The following CDC23 variants were observed in gnomAD, a reference collection of about 807,000 sequenced individuals.
CDC23 encodes cell division cycle 23.
Under a neutral mutation model 81.7 loss-of-function variants are expected in CDC23, and 26 were observed. The observed-to-expected ratio is 0.32, with a 90% CI of 0.23 to 0.44. The LOEUF (loss-of-function observed/expected upper bound fraction) is 0.44, where lower values mean the gene tolerates loss of function less well. CDC23 is among the 20% of genes least tolerant of loss of function. The pLI is 1.00. For synonymous variants in CDC23, 267 were observed against 270.8 expected (o/e 0.99, Z 0.14); for missense variants, 519 against 728.0 (o/e 0.71, Z 3.30).
Position 138,198,194 on chromosome 5 carries a change from C to A in CDC23, c.1012+5G>T. ...CTTAAAAGAAAAAATGTAGTTAATT[C>A]TTACCAATTACACAGCACGTTTCTA... On this transcript the variant is annotated splice_donor_5th_base_variant and intron_variant, in intron 9 of 15. Transcript: ENST00000394886. The A allele has an allele frequency of 6.3e-7, 1 of 1,596,642 alleles. No homozygotes were observed. Among genetic ancestry groups the A allele is most frequent in the South Asian group, 1.1e-5 (1 of 89,824 alleles).
chr5:138,192,763 C>T, intron 9 of CDC23, 106 bp from the exon 10 acceptor site: 1 of 941,960 alleles, frequency 1.1e-6, no homozygotes, highest in Non-Finnish European at 1.6e-6. Flanking sequence ...TAACCCATTC[C>T]CTCTAAAGTC....
Position 138,187,738 on chromosome 5 carries a change from T to A in CDC23, c.*1240A>T, listed in dbSNP as rs1754770832. ...GGACAGAAAAATTAAGAATCAAACA[T>A]CATTCTGGACCATGGGAACCTTGAA... On this transcript the variant is annotated 3_prime_UTR_variant, in exon 16 of 16. Coordinates refer to ENST00000394886, the MANE Select transcript of CDC23 (RefSeq NM_004661.4). The A allele has an allele frequency of 4.0e-6, 1 of 250,152 alleles. No individual in the cohort carries two copies. Among genetic ancestry groups the A allele is most frequent in the South Asian group, 5.1e-5 (1 of 19,718 alleles). The allele number at this position is 250,152 out of a possible 1,614,324, so 15.5% of individuals were successfully genotyped here. A position where few individuals can be genotyped will look rare whatever the true frequency, so the allele number is the denominator to read the frequency against.
chr5:138,202,012 G>T, intron 4 of CDC23, 101 bp downstream of exon 4: 1 of 792,702 alleles, frequency 1.3e-6, no homozygotes, highest in Non-Finnish European at 2.1e-6. Context: ...AATTTGTAAT[G>T]GTTATCCTCA....
intron 6 of CDC23, chr5:138,200,854 A>T: frequency 2.3e-6 from 1 of 441,538 alleles, no homozygotes; most frequent in Non-Finnish European, 4.0e-6. Flanking sequence ...ATAGAACTGA[A>T]ATGTGAAAAC....
intron 2 of CDC23, among the ~76,000 whole-genome samples, chr5:138,210,008 G>A (rs1298337533): frequency 6.6e-6 from 1 of 151,848 alleles, no homozygotes; most frequent in Non-Finnish European, 1.5e-5. Context: ...GAGGTCAGGA[G>A]TTCGAGACCA....
rs747655177 is a variant in CDC23 at position 138,213,240 on chromosome 5, C to G, written c.73G>C (p.Asp25His). 1 of 1,614,030 alleles carries G rather than the reference C, an allele frequency of 6.2e-7. No individual in the cohort carries two copies. Among genetic ancestry groups the G allele is most frequent in the African/African-American group, 1.3e-5 (1 of 74,906 alleles). ...TTAATTTCCCGCAAATCTGAGAAAT[C>G]GCTGTTTATGGACAGGACAGGCGCC... ...AVAPVLSINS[D>H]FSDLREIKKQ... Residue 25 changes from aspartate (D) to histidine (H), a missense_variant, in exon 1 of 16, where the codon GAT becomes CAT. Physicochemically the swap from Asp to His is moderately conservative, Grantham distance 81 (BLOSUM62 -1). Coordinates refer to ENST00000394886, the MANE Select transcript of CDC23 (RefSeq NM_004661.4).
At chr5:138,195,989 A>G (rs1013284361) in intron 9 of CDC23, among the ~76,000 whole-genome samples, 1 of 150,786 alleles carries the variant, frequency 6.6e-6, no homozygotes, top group African/African-American at 2.4e-5. Context: ...AGATTGTCTC[A>G]TTCTCTCAGG....
At chr5:138,210,094 T>C (rs1359755297) in intron 2 of CDC23, among the ~76,000 whole-genome samples, 2 of 150,984 alleles carry the variant, frequency 1.3e-5, no homozygotes, top group Non-Finnish European at 1.5e-5. Context: ...CATGCACCTG[T>C]AATCCCAGCT....
rs781137475 is a variant in CDC23, at chr5:138,213,073, C to T, written c.162-10G>A. 6.2e-7 allele frequency: 1 copy of T among 1,613,950 alleles called. No homozygotes were observed. The highest frequency in any genetic ancestry group is 1.3e-5 in the African/African-American group (1 of 74,898). On this transcript the variant is annotated splice_polypyrimidine_tract_variant and intron_variant, in intron 1 of 15. Coordinates refer to ENST00000394886, the MANE Select transcript of CDC23 (RefSeq NM_004661.4). The stretch of plus-strand genomic sequence containing the variant: ...AGCCAACTCCGCCGACCTGGAACAC[C>T]CACACAAACTAGATCAGCTCGACAA...
intron 11 of CDC23, 157 bp downstream of exon 11, chr5:138,192,112 T>A: frequency 1.0e-6 from 1 of 982,774 alleles, no homozygotes; most frequent in Non-Finnish European, 1.5e-6. Flanking sequence ...TAGTGAAATA[T>A]ACTAAATGAA....
At chr5:138,191,303 G>A (rs1196548396) in intron 13 of CDC23, among the ~76,000 whole-genome samples, 171 bp downstream of exon 13, 2 of 152,058 alleles carry the variant, frequency 1.3e-5, no homozygotes, top group Non-Finnish European at 2.9e-5. Flanking sequence ...GCCAGAAGTG[G>A]CATTCTCTAG....
chr5:138,195,762 T>TA (rs2126582296), intron 9 of CDC23, among the ~76,000 whole-genome samples: 3 of 117,510 alleles, frequency 2.6e-5, no homozygotes, highest in South Asian at 4.6e-4. Flanking sequence ...TATATACATA[T>TA]ATTATATATG....
At position 138,195,731 on chromosome 5, in the gene CDC23, T is replaced by C. The variant is rs796822527; in HGVS notation, c.1012+2468A>G. ...TACATATAATATATATGTATATATA[T>C]ACATATAATATATATGTATATATAT... On this transcript the variant is annotated intron_variant, in intron 9 of 15. Transcript: ENST00000394886. Among the ~76,000 whole-genome samples, 767 of 117,508 alleles carry C rather than the reference T, an allele frequency of 6.5e-3. 17 individuals carry two copies. Among genetic ancestry groups the C allele is most frequent in the Middle Eastern group, 0.059 (15 of 254 alleles). The allele number at this position is 117,508 out of a possible 152,430, so 77.1% of individuals were successfully genotyped here.
intron 13 of CDC23, 108 bp from the exon 14 acceptor site, chr5:138,190,014 A>G: frequency 1.2e-6 from 1 of 826,966 alleles, no homozygotes; most frequent in South Asian, 1.5e-5. Context: ...GGTAAGTATC[A>G]ATTTTGACAT....
At position 138,188,124 on chromosome 5, in the gene CDC23, A is replaced by G. The variant is rs1754777001; in HGVS notation, c.*854T>C. ...ATGTATTCTGTTGCAGATGGGAGGG[A>G]AAAAAATAGACAATTACGTTGAAAA... On this transcript the variant is annotated 3_prime_UTR_variant, in exon 16 of 16. Coordinates refer to ENST00000394886, the MANE Select transcript of CDC23 (RefSeq NM_004661.4). 6.6e-6 allele frequency: 1 copy of G among 152,170 alleles called. No homozygotes were observed. Among genetic ancestry groups the G allele is most frequent in the African/African-American group, 2.4e-5 (1 of 41,432 alleles). The allele number at this position is 152,170 out of a possible 1,614,324, so 9.4% of individuals were successfully genotyped here.
chr5:138,199,311 A>C (rs1031746708), intron 6 of CDC23, among the ~76,000 whole-genome samples: 23 of 152,180 alleles, frequency 1.5e-4, no homozygotes, highest in African/African-American at 5.3e-4. Flanking sequence ...ATAAGTTTGG[A>C]AACAGGCCAG....
At chr5:138,190,506 G>A (rs1044480761) in intron 13 of CDC23, among the ~76,000 whole-genome samples, 1 of 151,466 alleles carries the variant, frequency 6.6e-6, no homozygotes, top group African/African-American at 2.4e-5. Flanking sequence ...GCTCACACCT[G>A]TAATCCCAGC....
At chr5:138,195,584 A>T (rs1430373377) in intron 9 of CDC23, among the ~76,000 whole-genome samples, 1 of 58,558 alleles carries the variant, frequency 1.7e-5, no homozygotes, top group Non-Finnish European at 3.9e-5. Context: ...ATAATATATT[A>T]TATATAATAT....
At chr5:138,200,163 G>A (rs1339003812) in intron 6 of CDC23, among the ~76,000 whole-genome samples, 3 of 152,046 alleles carry the variant, frequency 2.0e-5, no homozygotes, top group African/African-American at 4.8e-5. Flanking sequence ...ACAGAGTTTC[G>A]CTCTTTCGCC....
Sources: gnomAD v4.1 joint callset for allele counts (sites outside exome capture counted in the v4.1 genomes callset) on GRCh38, gnomAD v4.1.1 for gene constraint, MANE v1.5 for transcripts, NCBI Gene and HGNC (gene_info 2026-07-23, HGNC 2026-07-21) for gene names.